Variants in ZFHX3 observed in about 807,000 individuals in gnomAD.
The protein encoded by ZFHX3 is zinc finger homeobox 3.
A neutral mutation model predicts 279.1 loss-of-function variants in ZFHX3; 42 were observed. The observed-to-expected ratio is 0.15, with a 90% CI of 0.12 to 0.19. The LOEUF (loss-of-function observed/expected upper bound fraction) is 0.19. Ranked by LOEUF, ZFHX3 falls within the 10% of genes least tolerant of loss-of-function variation. The probability of loss-of-function intolerance (pLI) is 1.00; values close to 1 mark genes in which losing one functional copy is unlikely to be tolerated. For missense variants in ZFHX3, 4,981 were observed against 4,754.0 expected (o/e 1.05, Z -1.40); for synonymous variants, 2,293 against 1,957.8 (o/e 1.17, Z -4.52).
rs189907904 is a variant in ZFHX3, at chr16:73,752,218, A to T, written c.-1607-71978T>A. ...GGTAAATGTCTTGAGCTTGGATTCC[A>T]TGTGCGTCTCTGTGGTCTATAACGA... On this transcript the variant is annotated intron_variant, in intron 1 of 17. Coordinates refer to the ZFHX3 transcript ENST00000641206. 2.2e-3 allele frequency among the ~76,000 whole-genome samples: 337 copies of T among 152,050 alleles called. 1 individual carries two copies. The highest frequency in any genetic ancestry group is 4.1e-3 in the Non-Finnish European group (279 of 67,970).
chr16:72,794,632 C>T lies in ZFHX3; in HGVS notation c.8050G>A (p.Val2684Met). 1 of 1,614,236 alleles carries T rather than the reference C, an allele frequency of 6.2e-7. No homozygotes were observed. The change falls in exon 9 of 10, where the codon GTG becomes ATG. Residue 2684 changes from valine to methionine, a missense_variant. Val to Met is a conservative substitution (Grantham distance 21, BLOSUM62 1). This residue lies in a region of ZFHX3 where 744 missense variants were observed against 701.3 expected (regional missense o/e 1.06). Transcript: ENST00000268489. This position sits in a 1 kb window ranked among gnomAD's most constrained non-coding sequence, Gnocchi z 4.2. ...IAHEVGLKKR[V>M]VQVWFQNTRA... ...GTGTTCTGAAACCAGACTTGTACCACACGTTTCTTCAAGCCCACCTCGTGT... is the reference window on the plus strand; with the variant it reads ...GTGTTCTGAAACCAGACTTGTACCATACGTTTCTTCAAGCCCACCTCGTGT...
intron 6 of ZFHX3, among the ~76,000 whole-genome samples, chr16:73,136,816 G>T (rs916697642): frequency 2.7e-5 from 4 of 148,876 alleles, no homozygotes; most frequent in African/African-American, 9.9e-5. Flanking sequence ...GTGCAGGGAA[G>T]AAATGCTTTC....
chr16:73,449,007 A>C (rs1424008), intron 3 of ZFHX3, among the ~76,000 whole-genome samples: 16,290 of 152,160 alleles, frequency 0.11, 1,205 homozygotes, highest in East Asian at 0.25. Flanking sequence ...ATAGAATATA[A>C]TGTCTAGTCA....
rs62053190 is a variant in ZFHX3 at position 72,959,723 on chromosome 16, C to G, written c.423G>C (p.Ala141=). ...GCTGGCTCAGGCTCTCCACAATGTACGCGGAGCCGTCCGGCTGGTAGACGA... is the reference window on the plus strand; with the variant it reads ...GCTGGCTCAGGCTCTCCACAATGTAGGCGGAGCCGTCCGGCTGGTAGACGA... ...GEIVYQPDGS[A]YIVESLSQLT... The change falls in exon 2 of 10, where the codon GCG becomes GCC. Residue 141 remains alanine (A), a synonymous_variant. Transcript: ENST00000268489. The G allele has an allele frequency of 1.8e-5, 29 of 1,613,458 alleles. No individual in the cohort carries two copies. The highest frequency in any genetic ancestry group is 1.6e-4 in the Middle Eastern group (1 of 6,080).
At chr16:73,872,215 C>A (rs2029863538) in intron 1 of ZFHX3, among the ~76,000 whole-genome samples, 1 of 151,956 alleles carries the variant, frequency 6.6e-6, no homozygotes. Context: ...GTCCTCCAAT[C>A]ACTCCCCATA....
At chr16:73,486,387 C>G (rs919313413) in intron 2 of ZFHX3, among the ~76,000 whole-genome samples, 2 of 152,214 alleles carry the variant, frequency 1.3e-5, no homozygotes, top group East Asian at 1.9e-4. Flanking sequence ...GTGGAGTGTA[C>G]TTTCCTTTTC....
At chr16:73,107,411 G>C (rs1409862318) in intron 7 of ZFHX3, among the ~76,000 whole-genome samples, 1 of 152,108 alleles carries the variant, frequency 6.6e-6, no homozygotes, top group Non-Finnish European at 1.5e-5. Context: ...ATATAAGGCA[G>C]CTTCAGAAAC....
At chr16:72,842,257 G>T (rs2037361347) in intron 4 of ZFHX3, among the ~76,000 whole-genome samples, 1 of 149,020 alleles carries the variant, frequency 6.7e-6, no homozygotes, top group Non-Finnish European at 1.5e-5. Flanking sequence ...TTGCCCTGTT[G>T]CCCAGGCTGG....
At chr16:73,589,313 G>T (rs796784601) in intron 2 of ZFHX3, among the ~76,000 whole-genome samples, 8 of 136,548 alleles carry the variant, frequency 5.9e-5, no homozygotes, top group African/African-American at 2.2e-4. Context: ...GCATGCACCT[G>T]TATTCCCAGC....
intron 3 of ZFHX3, among the ~76,000 whole-genome samples, chr16:73,318,829 G>T (rs183196363): frequency 5.3e-4 from 80 of 152,268 alleles, no homozygotes; most frequent in African/African-American, 1.9e-3. Flanking sequence ...CAGGCCCCCT[G>T]AGCTAAACAA....
chr16:73,867,244 T>C (rs911290964), intron 1 of ZFHX3, among the ~76,000 whole-genome samples: 1 of 152,150 alleles, frequency 6.6e-6, no homozygotes, highest in African/African-American at 2.4e-5. Context: ...AGCTATCTCA[T>C]GCAATGTTCA....
chr16:73,724,835 C>T (rs997501482), intron 1 of ZFHX3, among the ~76,000 whole-genome samples: 5 of 152,198 alleles, frequency 3.3e-5, no homozygotes, highest in Admixed American at 6.5e-5. Flanking sequence ...TGTTTAACAA[C>T]ACTCAACCAC....
chr16:72,945,969 T>C (rs1447965323), intron 3 of ZFHX3, among the ~76,000 whole-genome samples: 1 of 152,140 alleles, frequency 6.6e-6, no homozygotes, highest in Non-Finnish European at 1.5e-5. Context: ...AACCAGATCA[T>C]TGTCTGACTT....
chr16:73,804,794 A>G (rs2142329897), intron 1 of ZFHX3, among the ~76,000 whole-genome samples: 1 of 151,486 alleles, frequency 6.6e-6, no homozygotes. Flanking sequence ...CTGCAAAGTC[A>G]TTATAGTTTT....
Position 72,935,792 on chromosome 16 carries a change from G to C in ZFHX3, c.3216+14677C>G, listed in dbSNP as rs572139382. Among the ~76,000 whole-genome samples, 99 of 151,918 alleles carry C rather than the reference G, an allele frequency of 6.5e-4. 1 individual carries two copies. The highest frequency in any genetic ancestry group is 2.2e-3 in the African/African-American group (91 of 41,444). The stretch of plus-strand genomic sequence containing the variant: ...AATCATCAGGCGACACTTGCTGATA[G>C]TCTACCTAATATCCCCAAGACCCTG... On this transcript the variant is annotated intron_variant, in intron 3 of 9. Coordinates refer to ENST00000268489, the MANE Select transcript of ZFHX3 (RefSeq NM_006885.4).
At chr16:73,104,215 T>TTTTATGTATGTATTTA (rs1555498879) in intron 7 of ZFHX3, among the ~76,000 whole-genome samples, 5 of 87,556 alleles carry the variant, frequency 5.7e-5, no homozygotes, top group Admixed American at 1.0e-4. Context: ...TATGGATTTA[T>TTTTATGTATGTATTTA]TTTATGTATT....
chr16:73,176,924 G>A (rs186690266), intron 5 of ZFHX3, among the ~76,000 whole-genome samples: 41 of 151,796 alleles, frequency 2.7e-4, no homozygotes, highest in Middle Eastern at 3.4e-3. Flanking sequence ...TTTCATCTTC[G>A]GCCCCACCTA....
At chr16:72,838,164 G>T (rs1202941801) in intron 4 of ZFHX3, among the ~76,000 whole-genome samples, 1 of 151,892 alleles carries the variant, frequency 6.6e-6, no homozygotes, top group Non-Finnish European at 1.5e-5. Context: ...CACCATCCCT[G>T]TTTTTTGGCA....
rs181310054 is a variant in ZFHX3 at position 73,711,742 on chromosome 16, C to A, written c.-1607-31502G>T. Among the ~76,000 whole-genome samples, 22 of 152,376 alleles carry A rather than the reference C, an allele frequency of 1.4e-4. No individual in the cohort carries two copies. In the East Asian group the frequency reaches 3.9e-3, roughly 27 times the overall value. Reference sequence around the variant, plus strand: ...TAATTATTTTCAGACCCAAGAGGGCCTTTCCCCTCCAAAGATGGATTAGGT... The same window carrying A: ...TAATTATTTTCAGACCCAAGAGGGCATTTCCCCTCCAAAGATGGATTAGGT... On this transcript the variant is annotated intron_variant, in intron 1 of 17. Transcript: ENST00000641206.
Sources: allele counts gnomAD v4.1 joint callset (sites outside exome capture counted in the v4.1 genomes callset), GRCh38; gene constraint gnomAD v4.1.1; regional missense constraint gnomAD v4.1.1; non-coding constraint Gnocchi (gnomAD v3.1); transcripts MANE v1.5; gene names NCBI Gene and HGNC (gene_info 2026-07-23, HGNC 2026-07-21).